The following PLRG1 variants were observed in gnomAD, a reference collection of about 807,000 sequenced individuals.
The protein encoded by PLRG1 is pleiotropic regulator 1 (PRL1 homolog, Arabidopsis).
Under a neutral mutation model 74.9 loss-of-function variants are expected in PLRG1, and 28 were observed. The observed-to-expected ratio is 0.37, with a 90% confidence interval of 0.28 to 0.51. The LOEUF (loss-of-function observed/expected upper bound fraction) is 0.51, where lower values mean the gene tolerates loss of function less well. Among genes scored for constraint, PLRG1 ranks in the 20% least tolerant of loss-of-function variants. The pLI is 0.91. For synonymous variants in PLRG1, 197 were observed against 212.4 expected (o/e 0.93, Z 0.63); for missense variants, 445 against 631.9 (o/e 0.70, Z 3.17).
rs563709031 is a variant in PLRG1, at chr4:154,544,427, A to T, written c.594+18T>A. 1 of 1,321,604 alleles carries T rather than the reference A, an allele frequency of 7.6e-7. No individual in the cohort carries two copies. Among genetic ancestry groups the T allele is most frequent in the Admixed American group, 1.7e-5 (1 of 59,260 alleles). The allele number at this position is 1,321,604 out of a possible 1,614,324, so 81.9% of individuals were successfully genotyped here. ...GCAATCATGGTTCACATAATAAAAT[A>T]AATGCAGAGTCACTCACCCTGTAGA... On this transcript the variant is annotated intron_variant, in intron 7 of 14. Transcript: ENST00000499023.
At chr4:154,549,929 C>G (rs1396421855) in intron 1 of PLRG1, among the ~76,000 whole-genome samples, 2 of 152,210 alleles carry the variant, frequency 1.3e-5, no homozygotes, top group African/African-American at 4.8e-5. Context: ...GACCTGAACG[C>G]AAGATAGAGA....
At chr4:154,546,825 G>A (rs925742378) in intron 4 of PLRG1, 186 bp downstream of exon 4, 23 of 575,942 alleles carry the variant, frequency 4.0e-5, no homozygotes, top group African/African-American at 1.5e-4. Flanking sequence ...AAAATTATAC[G>A]TACTTAAGAA....
intron 6 of PLRG1, among the ~76,000 whole-genome samples, chr4:154,544,805 A>G (rs1483702423): frequency 6.6e-6 from 1 of 152,226 alleles, no homozygotes; most frequent in Non-Finnish European, 1.5e-5. Flanking sequence ...ACATTAGGTA[A>G]CAATCATGTA....
At chr4:154,542,354 T>G in intron 7 of PLRG1, 75 bp from the exon 8 acceptor site, 1 of 817,750 alleles carries the variant, frequency 1.2e-6, no homozygotes, top group Admixed American at 1.8e-5. Context: ...CAGCCCGAGT[T>G]TGAATTGCCC....
chr4:154,547,785 T>C lies in PLRG1; in HGVS notation c.185A>G (p.Lys62Arg), dbSNP rs1729686370. 11 of 1,613,110 alleles carry C rather than the reference T, an allele frequency of 6.8e-6. No individual in the cohort carries two copies. The highest frequency in any genetic ancestry group is 7.6e-6 in the Non-Finnish European group (9 of 1,179,114). ...YGPVLHMPTS[K>R]ENLKEKGPQN... ...AGGACCCTTCTCTTTAAGATTTTCT[T>C]TTGAAGTAGGCATATGCAACACAGG... Residue 62 changes from lysine to arginine, a missense_variant, in exon 3 of 15, where the codon AAA becomes AGA. Transcript: ENST00000499023.
intron 11 of PLRG1, among the ~76,000 whole-genome samples, chr4:154,539,422 C>T (rs916198366): frequency 6.6e-6 from 1 of 152,034 alleles, no homozygotes; most frequent in Non-Finnish European, 1.5e-5. Context: ...AATTGATTCA[C>T]TGTCAATTGA....
In PLRG1 at chr4:154,536,671, A is replaced by G. The variant is rs201310843; in HGVS notation, c.*14T>C. The G allele has an allele frequency of 9.3e-6, 13 of 1,403,220 alleles. No homozygotes were observed. In the East Asian group the frequency reaches 2.8e-4, roughly 30 times the overall value. 86.9% of individuals were successfully genotyped at this position (1,403,220 alleles called of 1,614,324 possible). ...AAAAAGAAAAAAAAAGAGAGAGAAA[A>G]AATTCCACATTCATTAAAATCTCTT... On this transcript the variant is annotated 3_prime_UTR_variant, in exon 15 of 15. Transcript: ENST00000499023.
At position 154,537,400 on chromosome 4, in the gene PLRG1, C is replaced by T. The variant is rs1430206765; in HGVS notation, c.1371G>A (p.Gly457=). The part of the protein sequence containing the change: ...FQRVHAAVQP[G]SLDSESGIFA... ...ATATTCCTGATTCACTGTCCAAAGA[C>T]CCAGGTTGCACAGCTGCGTGAACTC... Residue 457 remains glycine (G), a synonymous_variant, in exon 14 of 15, where the codon GGG becomes GGA. Transcript: ENST00000499023. 6.2e-7 allele frequency: 1 copy of T among 1,613,246 alleles called. No homozygotes were observed. The highest frequency in any genetic ancestry group is 8.5e-7 in the Non-Finnish European group (1 of 1,179,418).
At chr4:154,537,260 T>C in intron 14 of PLRG1, 26 bp downstream of exon 14, 1 of 1,520,846 alleles carries the variant, frequency 6.6e-7, no homozygotes, top group Non-Finnish European at 9.1e-7. Flanking sequence ...CTGTTTTACT[T>C]AACGAATGTG....
intron 7 of PLRG1, among the ~76,000 whole-genome samples, chr4:154,543,102 A>AT (rs886724405): frequency 6.6e-6 from 1 of 152,202 alleles, no homozygotes; most frequent in African/African-American, 2.4e-5. Context: ...ATACAAAGAA[A>AT]TAATATCCCA....
In PLRG1 at chr4:154,535,205, C is replaced by G. The variant is rs920960115; in HGVS notation, c.*1480G>C. 5 of 150,834 alleles carry G rather than the reference C, an allele frequency of 3.3e-5. No homozygotes were observed. Among genetic ancestry groups the G allele is most frequent in the Admixed American group, 3.3e-4 (5 of 15,112 alleles). 9.3% of individuals were successfully genotyped at this position (150,834 alleles called of 1,614,324 possible). ...ATGCTTGCACAACTTTTTTTTTTAC[C>G]CAAGTTTAGAAATCTTGCCCTAATA... On this transcript the variant is annotated 3_prime_UTR_variant, in exon 15 of 15. Coordinates refer to ENST00000499023, the MANE Select transcript of PLRG1 (RefSeq NM_002669.4).
At chr4:154,539,877 ATAT>A in intron 11 of PLRG1, 71 bp downstream of exon 11, 1 of 799,128 alleles carries the variant, frequency 1.3e-6, no homozygotes, top group East Asian at 2.4e-5. Context: ...GTCATCATGA[ATAT>A]TAAAAGTATA....
At chr4:154,544,214 G>C (rs1729606982) in intron 7 of PLRG1, among the ~76,000 whole-genome samples, 2 of 152,040 alleles carry the variant, frequency 1.3e-5, no homozygotes, top group Non-Finnish European at 2.9e-5. Flanking sequence ...ATATTTAGTA[G>C]CTTTATCTTG....
chr4:154,547,253 A>G (rs1729675037), intron 3 of PLRG1, among the ~76,000 whole-genome samples, 189 bp from the exon 4 acceptor site: 1 of 152,186 alleles, frequency 6.6e-6, no homozygotes, highest in Non-Finnish European at 1.5e-5. Flanking sequence ...GTCCTTGACC[A>G]TTTGCTATAT....
At chr4:154,544,624 G>A (rs1209940762) in intron 6 of PLRG1, 78 bp from the exon 7 acceptor site, 9 of 740,470 alleles carry the variant, frequency 1.2e-5, no homozygotes, top group East Asian at 2.7e-5. Context: ...AAATGGAAAT[G>A]GAAAGAGGGA....
At chr4:154,538,598 A>G (rs1729498152) in intron 12 of PLRG1, among the ~76,000 whole-genome samples, 1 of 151,980 alleles carries the variant, frequency 6.6e-6, no homozygotes. Flanking sequence ...GACAGAGAAG[A>G]GGAAAGGAAG....
intron 2 of PLRG1, 21 bp downstream of exon 2, chr4:154,548,807 GA>G (rs11451354): frequency 1.3e-3 from 1,467 of 1,090,062 alleles, no homozygotes; most frequent in Admixed American, 2.0e-3. Context: ...TTTAGCAATT[GA>G]AAAAAAAAAA....
rs904546364 is a variant in PLRG1 at position 154,535,559 on chromosome 4, T to C, written c.*1126A>G. The C allele has an allele frequency of 2.0e-5, 3 of 151,490 alleles. No individual in the cohort carries two copies. Among genetic ancestry groups the C allele is most frequent in the African/African-American group, 4.9e-5 (2 of 41,182 alleles). 9.4% of individuals were successfully genotyped at this position (151,490 alleles called of 1,614,324 possible). On this transcript the variant is annotated 3_prime_UTR_variant, in exon 15 of 15. Coordinates refer to ENST00000499023, the MANE Select transcript of PLRG1 (RefSeq NM_002669.4). ...CTTGTTCAAAATCATGGTGCAATTT[T>C]TTAATTTGGAAAATTTAAAAAATTG...
intron 6 of PLRG1, among the ~76,000 whole-genome samples, chr4:154,544,900 T>C (rs142985119): frequency 3.3e-5 from 5 of 152,198 alleles, no homozygotes; most frequent in African/African-American, 1.2e-4. Flanking sequence ...TAGTAAATGC[T>C]CCATGTAAGC....
Sources: gnomAD v4.1 joint callset for allele counts (sites outside exome capture counted in the v4.1 genomes callset) on GRCh38, gnomAD v4.1.1 for gene constraint, MANE v1.5 for transcripts, NCBI Gene and HGNC (gene_info 2026-07-23, HGNC 2026-07-21) for gene names.